Variants in MACROD2 observed in about 807,000 individuals in gnomAD.
MACROD2 encodes mono-ADP ribosylhydrolase 2, also known as ADP-ribose glycohydrolase MACROD2.
In MACROD2, 36 loss-of-function variants were observed where a neutral mutation model predicts 70.4. That is an observed-to-expected ratio of 0.51 (90% CI 0.39 to 0.68). The LOEUF (loss-of-function observed/expected upper bound fraction) is 0.68, where lower values mean the gene tolerates loss of function less well. Among genes scored for constraint, MACROD2 ranks in the 30% least tolerant of loss-of-function variants. The pLI is 0.00. For missense variants in MACROD2, 496 were observed against 538.4 expected (o/e 0.92, Z 0.78); for synonymous variants, 172 against 178.8 (o/e 0.96, Z 0.30).
At chr20:14,743,300 T>C (rs1327916815) in intron 5 of MACROD2, among the ~76,000 whole-genome samples, 2 of 152,036 alleles carry the variant, frequency 1.3e-5, no homozygotes, top group African/African-American at 4.8e-5. Flanking sequence ...AGAGGGATGT[T>C]ATATAGTTGT....
intron 6 of MACROD2, among the ~76,000 whole-genome samples, chr20:15,428,693 T>G (rs1188463871): frequency 1.3e-5 from 2 of 152,192 alleles, no homozygotes; most frequent in Non-Finnish European, 2.9e-5. Context: ...GTGTTTAACT[T>G]TAACTGCATC....
chr20:14,023,864 G>T (rs62207753), intron 2 of MACROD2, among the ~76,000 whole-genome samples: 8,055 of 152,252 alleles, frequency 0.053, 285 homozygotes, highest in Non-Finnish European at 0.078. Context: ...TTTTGCTTAG[G>T]ATTGTCTTGG....
intron 5 of MACROD2, among the ~76,000 whole-genome samples, chr20:14,775,518 A>G (rs1365062490): frequency 1.3e-5 from 2 of 151,962 alleles, no homozygotes; most frequent in African/African-American, 4.8e-5. Flanking sequence ...TCCCACGTGA[A>G]CTAGCACAGC....
intron 5 of MACROD2, among the ~76,000 whole-genome samples, chr20:15,023,615 G>C (rs1262907532): frequency 6.6e-6 from 1 of 152,156 alleles, no homozygotes; most frequent in Admixed American, 6.5e-5. Context: ...AGAAGCAAAG[G>C]CATGTCTTAC....
At chr20:14,013,674 CTTTTTTTTTTTTT>C (rs34386274) in intron 2 of MACROD2, among the ~76,000 whole-genome samples, 2 of 70,944 alleles carry the variant, frequency 2.8e-5, no homozygotes. Flanking sequence ...TTATATTAAG[CTTTTTTTTTTTTT>C]TTTTTTTTTT....
At chr20:14,532,259 C>T (rs895337166) in intron 4 of MACROD2, among the ~76,000 whole-genome samples, 2 of 148,468 alleles carry the variant, frequency 1.3e-5, no homozygotes, top group African/African-American at 5.0e-5. Context: ...TGCTCTGTCA[C>T]CCAGGCTGGA....
chr20:15,204,097 C>A (rs1947544686), intron 5 of MACROD2, among the ~76,000 whole-genome samples: 1 of 152,048 alleles, frequency 6.6e-6, no homozygotes, highest in African/African-American at 2.4e-5. Flanking sequence ...CTTTATTAAT[C>A]ATAATTTTTT....
chr20:15,553,662 C>T (rs112400202), intron 8 of MACROD2, among the ~76,000 whole-genome samples: 4 of 152,306 alleles, frequency 2.6e-5, no homozygotes, highest in African/African-American at 9.6e-5. Flanking sequence ...TCAAGCGATC[C>T]ACCTGCCTCA....
chr20:15,638,492 A>G (rs1415231192), intron 8 of MACROD2, among the ~76,000 whole-genome samples: 2 of 152,190 alleles, frequency 1.3e-5, no homozygotes, highest in African/African-American at 2.4e-5. Flanking sequence ...ATGTGTCAGA[A>G]AAGAACTGCA....
intron 4 of MACROD2, among the ~76,000 whole-genome samples, chr20:14,512,135 A>T (rs1371162560): frequency 2.6e-5 from 4 of 152,180 alleles, no homozygotes; most frequent in African/African-American, 7.2e-5. Flanking sequence ...AAGGTCTATC[A>T]TCCATGATAT....
intron 8 of MACROD2, among the ~76,000 whole-genome samples, chr20:15,537,467 CTTTT>C (rs35857138): frequency 0.015 from 1,382 of 89,900 alleles, 6 homozygotes; most frequent in Admixed American, 0.03. Context: ...TCCCACTCAT[CTTTT>C]TTTTTTTTTT....
intron 8 of MACROD2, among the ~76,000 whole-genome samples, chr20:15,771,489 T>C (rs2051626334): frequency 6.6e-6 from 1 of 151,968 alleles, no homozygotes; most frequent in African/African-American, 2.4e-5. Flanking sequence ...TGCCAGATGT[T>C]TGATTTTTAA....
intron 3 of MACROD2, among the ~76,000 whole-genome samples, chr20:14,395,073 A>T (rs2083567505): frequency 6.6e-6 from 1 of 151,996 alleles, no homozygotes; most frequent in Non-Finnish European, 1.5e-5. Context: ...TCTGATGTTG[A>T]TAGTAGAGCA....
chr20:14,031,312 A>G (rs1274138873), intron 2 of MACROD2, among the ~76,000 whole-genome samples: 2 of 152,160 alleles, frequency 1.3e-5, no homozygotes, highest in African/African-American at 2.4e-5. Context: ...AGTAAGTACA[A>G]TATGTAGTAT....
chr20:14,092,194 AT>A (rs1433763572), intron 3 of MACROD2, among the ~76,000 whole-genome samples: 1 of 151,782 alleles, frequency 6.6e-6, no homozygotes. Context: ...TTATTTTTAA[AT>A]TTTTTTCTCT....
intron 3 of MACROD2, among the ~76,000 whole-genome samples, chr20:14,312,772 G>A (rs185302760): frequency 6.6e-6 from 1 of 152,136 alleles, no homozygotes; most frequent in Non-Finnish European, 1.5e-5. Context: ...GTGGGATTAC[G>A]AAAGGCAAAT....
At chr20:14,386,762 A>T (rs563458196) in intron 3 of MACROD2, among the ~76,000 whole-genome samples, 1 of 152,168 alleles carries the variant, frequency 6.6e-6, no homozygotes, top group South Asian at 2.1e-4. Context: ...TCAGTTAAAC[A>T]TCTCTTCATT....
intron 3 of MACROD2, among the ~76,000 whole-genome samples, chr20:14,343,827 A>T (rs750896777): frequency 7.2e-5 from 11 of 152,146 alleles, no homozygotes; most frequent in Non-Finnish European, 1.2e-4. Flanking sequence ...GATCAACAAG[A>T]TATTATACAA....
chr20:14,577,309 AC>A (rs978382435), intron 4 of MACROD2, among the ~76,000 whole-genome samples: 8 of 152,218 alleles, frequency 5.3e-5, no homozygotes, highest in African/African-American at 1.9e-4. Flanking sequence ...CTTGAGAAAA[AC>A]CCTGTTTAAT....
Sources: allele counts gnomAD v4.1 joint callset (sites outside exome capture counted in the v4.1 genomes callset), GRCh38; gene constraint gnomAD v4.1.1; transcripts MANE v1.5; gene names NCBI Gene and HGNC (gene_info 2026-07-23, HGNC 2026-07-21).